Variants in GABBR2 observed in about 807,000 individuals in gnomAD.
GABBR2 encodes gamma-aminobutyric acid type B receptor subunit 2.
A neutral mutation model predicts 105.6 loss-of-function variants in GABBR2; 23 were observed. The ratio of observed to expected loss-of-function variants is 0.22; its 90% confidence interval spans 0.16 to 0.31. The LOEUF (loss-of-function observed/expected upper bound fraction) is 0.31. Ranked by LOEUF, GABBR2 falls within the 10% of genes least tolerant of loss-of-function variation. The pLI, the probability that GABBR2 is intolerant of heterozygous loss-of-function variation, is 1.00. For missense variants in GABBR2, 734 were observed against 1,245.5 expected (o/e 0.59, Z 6.18); for synonymous variants, 478 against 499.7 (o/e 0.96, Z 0.58).
chr9:98,401,154 G>T (rs1832388950), intron 8 of GABBR2, among the ~76,000 whole-genome samples: 1 of 151,900 alleles, frequency 6.6e-6, no homozygotes, highest in Admixed American at 6.6e-5. Flanking sequence ...ACATCATCAG[G>T]TTCTCAGTCA....
intron 7 of GABBR2, among the ~76,000 whole-genome samples, chr9:98,438,282 A>T (rs911209579): frequency 1.2e-4 from 19 of 152,046 alleles, no homozygotes; most frequent in Non-Finnish European, 2.6e-4. Flanking sequence ...CCACTCAGCC[A>T]TCCAACTATC....
At chr9:98,297,505 C>G (rs1830400349) in intron 17 of GABBR2, among the ~76,000 whole-genome samples, 1 of 151,262 alleles carries the variant, frequency 6.6e-6, no homozygotes, top group South Asian at 2.1e-4. Flanking sequence ...CCCAGCTACT[C>G]AGGAGGCTGA....
At chr9:98,359,584 T>G (rs923649681) in intron 13 of GABBR2, among the ~76,000 whole-genome samples, 3 of 152,076 alleles carry the variant, frequency 2.0e-5, no homozygotes, top group Non-Finnish European at 4.4e-5. Flanking sequence ...CTTCCATGGG[T>G]CCTTCCTGTT....
chr9:98,521,379 C>T (rs947584879), intron 3 of GABBR2, among the ~76,000 whole-genome samples: 2 of 152,234 alleles, frequency 1.3e-5, no homozygotes, highest in South Asian at 2.1e-4. Flanking sequence ...TGAGTAAGTA[C>T]TGGAGGGGAG....
At chr9:98,340,902 T>C (rs1831201095) in intron 13 of GABBR2, among the ~76,000 whole-genome samples, 1 of 152,170 alleles carries the variant, frequency 6.6e-6, no homozygotes, top group African/African-American at 2.4e-5. Flanking sequence ...ACAAGACAAA[T>C]ACAGTGGTCA....
intron 1 of GABBR2, among the ~76,000 whole-genome samples, chr9:98,613,924 A>G (rs1250804760): frequency 6.6e-6 from 1 of 152,244 alleles, no homozygotes; most frequent in East Asian, 1.9e-4. Context: ...TACTAACTGT[A>G]ACACGAAAAT....
rs755896921 is a variant in GABBR2 at position 98,306,359 on chromosome 9, C to G, written c.2005-14G>C. 4.4e-6 allele frequency: 7 copies of G among 1,591,534 alleles called. No individual in the cohort carries two copies. The highest frequency in any genetic ancestry group is 1.7e-5 in the Admixed American group (1 of 59,646). ...ACAACCGAACAACTGAAATGGTGAACAGAAAGGGGAGAGATGATCGTTACC... is the reference window on the plus strand; with the variant it reads ...ACAACCGAACAACTGAAATGGTGAAGAGAAAGGGGAGAGATGATCGTTACC... On this transcript the variant is annotated splice_polypyrimidine_tract_variant and intron_variant, in intron 14 of 18. Transcript: ENST00000259455. The surrounding 1 kb of genome is among the most constrained non-coding windows in gnomAD (Gnocchi z 5.4).
intron 1 of GABBR2, among the ~76,000 whole-genome samples, chr9:98,656,141 C>T (rs946639110): frequency 1.3e-5 from 2 of 152,050 alleles, no homozygotes; most frequent in African/African-American, 2.4e-5. Context: ...AATTAGTAGG[C>T]CAGTGTAGTC....
At chr9:98,612,870 C>G (rs1829524982) in intron 1 of GABBR2, among the ~76,000 whole-genome samples, 1 of 152,044 alleles carries the variant, frequency 6.6e-6, no homozygotes, top group African/African-American at 2.4e-5. Flanking sequence ...GGGGCCAGAG[C>G]CACAATCAAT....
At chr9:98,493,753 G>A (rs1827223349) in intron 4 of GABBR2, among the ~76,000 whole-genome samples, 2 of 152,140 alleles carry the variant, frequency 1.3e-5, no homozygotes, top group Admixed American at 1.3e-4. Flanking sequence ...TGAGTATTAT[G>A]TCCTTGTAGC....
intron 1 of GABBR2, among the ~76,000 whole-genome samples, chr9:98,614,519 G>A (rs1016174783): frequency 6.6e-6 from 1 of 151,986 alleles, no homozygotes; most frequent in Non-Finnish European, 1.5e-5. Flanking sequence ...GATTGAAACG[G>A]TGTCTCAAAA....
At chr9:98,315,181 A>C (rs567292820) in intron 13 of GABBR2, among the ~76,000 whole-genome samples, 248 of 152,172 alleles carry the variant, frequency 1.6e-3, no homozygotes, top group Non-Finnish European at 1.9e-3. Flanking sequence ...TTGGCCTTTC[A>C]GTTCCGCACC....
chr9:98,504,066 C>A (rs886573826), intron 3 of GABBR2, among the ~76,000 whole-genome samples: 3 of 152,098 alleles, frequency 2.0e-5, no homozygotes, highest in African/African-American at 7.2e-5. Context: ...AGACCCAGGG[C>A]ACCAGGATTG....
intron 2 of GABBR2, among the ~76,000 whole-genome samples, chr9:98,571,583 C>G (rs555578995): frequency 9.9e-5 from 15 of 152,282 alleles, no homozygotes; most frequent in African/African-American, 3.4e-4. Flanking sequence ...AATCCCCTAA[C>G]CTAGACCTGC....
intron 13 of GABBR2, among the ~76,000 whole-genome samples, chr9:98,336,842 C>T (rs7847080): frequency 0.44 from 67,327 of 151,854 alleles, 15,053 homozygotes; most frequent in African/African-American, 0.48. Flanking sequence ...ACTATATTTG[C>T]TGTATATGTG....
chr9:98,565,137 TTTACAC>T (rs1397645037), intron 2 of GABBR2, among the ~76,000 whole-genome samples: 1 of 152,136 alleles, frequency 6.6e-6, no homozygotes, highest in Non-Finnish European at 1.5e-5. Flanking sequence ...GAGGTATGAC[TTTACAC>T]AGGCCACATC....
intron 7 of GABBR2, among the ~76,000 whole-genome samples, chr9:98,443,302 C>G (rs567540799): frequency 1.3e-5 from 2 of 152,192 alleles, no homozygotes; most frequent in Non-Finnish European, 2.9e-5. Context: ...CCCCACACTG[C>G]TTTTCTTAAG....
At chr9:98,680,176 G>A (rs1196239833) in intron 1 of GABBR2, among the ~76,000 whole-genome samples, 1 of 151,790 alleles carries the variant, frequency 6.6e-6, no homozygotes, top group African/African-American at 2.4e-5. Flanking sequence ...AAGAATAAAA[G>A]AAAAGATGTA....
intron 1 of GABBR2, among the ~76,000 whole-genome samples, chr9:98,624,135 A>C (rs1286940330): frequency 4.6e-5 from 7 of 152,136 alleles, no homozygotes; most frequent in African/African-American, 1.7e-4. Context: ...AAGGCAAGGG[A>C]GGTCAATGGC....
Sources: gnomAD v4.1 joint callset for allele counts (sites outside exome capture counted in the v4.1 genomes callset) on GRCh38, gnomAD v4.1.1 for gene constraint, Gnocchi (gnomAD v3.1) non-coding constraint, MANE v1.5 for transcripts, NCBI Gene and HGNC (gene_info 2026-07-23, HGNC 2026-07-21) for gene names.